Variants in NSUN7 observed in about 807,000 individuals in gnomAD.
The protein encoded by NSUN7 is NOP2/Sun RNA methyltransferase family member 7.
A neutral mutation model predicts 58.5 loss-of-function variants in NSUN7; 39 were observed. The ratio of observed to expected loss-of-function variants is 0.67; its 90% CI spans 0.52 to 0.87. NSUN7 has a LOEUF of 0.87. Ranked by LOEUF, NSUN7 falls within the 40% of genes least tolerant of loss-of-function variation. The pLI, the probability that NSUN7 is intolerant of heterozygous loss-of-function variation, is 0.00. For synonymous variants in NSUN7, 278 were observed against 303.7 expected (o/e 0.92, Z 0.88); for missense variants, 765 against 844.1 (o/e 0.91, Z 1.16).
At position 40,808,680 on chromosome 4, in the gene NSUN7, ACTT is replaced by A. The variant is rs758156265; in HGVS notation, c.1902_1904del (p.Phe634del). On this transcript the variant is annotated inframe_deletion, in exon 12 of 12. Coordinates refer to ENST00000381782, the MANE Select transcript of NSUN7 (RefSeq NM_024677.6). ...TCCAGACCGCGTGAACGGCAGACAC[ACTT>A]CTTAAGACCTCGGCCAGAAGACAGA... The A allele has an allele frequency of 6.4e-5, 99 of 1,551,560 alleles. No individual in the cohort carries two copies. The highest frequency in any genetic ancestry group is 7.9e-5 in the Non-Finnish European group (91 of 1,147,024).
chr4:40,769,294 A>G (rs1385477794), intron 4 of NSUN7, among the ~76,000 whole-genome samples: 3 of 152,232 alleles, frequency 2.0e-5, no homozygotes, highest in African/African-American at 7.2e-5. Flanking sequence ...ATGTAATTGT[A>G]TGGTCATGAT....
At position 40,777,839 on chromosome 4, in the gene NSUN7, A is replaced by G. The variant is rs116037306; in HGVS notation, c.1036+1580A>G. ...GATCTCATACTCCTGGGATCAAGCAATCCTCCTGCCTCAGCCTCTCAAGTA... is the reference window on the plus strand; with the variant it reads ...GATCTCATACTCCTGGGATCAAGCAGTCCTCCTGCCTCAGCCTCTCAAGTA... On this transcript the variant is annotated intron_variant, in intron 7 of 11. Coordinates refer to ENST00000381782, the MANE Select transcript of NSUN7 (RefSeq NM_024677.6). Among the ~76,000 whole-genome samples, 496 of 152,288 alleles carry G rather than the reference A, an allele frequency of 3.3e-3. 3 individuals are homozygous for G. Among genetic ancestry groups the G allele is most frequent in the African/African-American group, 0.011 (467 of 41,560 alleles).
intron 2 of NSUN7, among the ~76,000 whole-genome samples, chr4:40,752,469 G>A (rs1042549872): frequency 6.6e-6 from 1 of 152,188 alleles, no homozygotes; most frequent in African/African-American, 2.4e-5. Context: ...CGCCCAGGCT[G>A]AAGTGCAGTG....
rs375339469 is a variant in NSUN7 at position 40,750,718 on chromosome 4, G to C, written c.25G>C (p.Glu9Gln). 19 of 1,613,684 alleles carry C rather than the reference G, an allele frequency of 1.2e-5. No homozygotes were observed. Among genetic ancestry groups the C allele is most frequent in the Non-Finnish European group, 1.5e-5 (18 of 1,179,798 alleles). Reference sequence around the variant, plus strand: ...CATGCTGAATTCCACGGGCGAACTGGAGTTTTCGAACGAAGAAGATCCCGA... The same window carrying C: ...CATGCTGAATTCCACGGGCGAACTGCAGTTTTCGAACGAAGAAGATCCCGA... MLNSTGEL[E>Q]FSNEEDPEII... is the part of the protein sequence containing the mutation. The change falls in exon 2 of 12, where the codon GAG (glutamate) becomes CAG (glutamine). Residue 9 changes from glutamate to glutamine, a missense_variant. Transcript: ENST00000381782.
At chr4:40,751,902 G>A (rs745707037) in intron 2 of NSUN7, among the ~76,000 whole-genome samples, 7 of 152,114 alleles carry the variant, frequency 4.6e-5, no homozygotes, top group African/African-American at 1.7e-4. Flanking sequence ...AGATTGAGGC[G>A]GGAGGATCGC....
chr4:40,758,884 C>CA (rs998700085), intron 2 of NSUN7, among the ~76,000 whole-genome samples: 5 of 147,582 alleles, frequency 3.4e-5, no homozygotes, highest in African/African-American at 7.5e-5. Flanking sequence ...GACTCTGTCT[C>CA]AAAAAAAAAG....
rs1742155801 is a variant in NSUN7, at chr4:40,774,260, T to A, written c.489-5T>A. On this transcript the variant is annotated splice_polypyrimidine_tract_variant and splice_region_variant and intron_variant, in intron 4 of 11. Transcript: ENST00000381782. ...ATAGATTAAGGATGGATTTTCTGTC[T>A]CTAGTTTTAAGATAAAATTGGCTGC... 6.2e-7 allele frequency: 1 copy of A among 1,613,828 alleles called. No individual in the cohort carries two copies. Among genetic ancestry groups the A allele is most frequent in the Non-Finnish European group, 8.5e-7 (1 of 1,179,724 alleles).
At chr4:40,807,464 C>G (rs1743856443) in intron 11 of NSUN7, among the ~76,000 whole-genome samples, 1 of 151,646 alleles carries the variant, frequency 6.6e-6, no homozygotes, top group Admixed American at 6.6e-5. Context: ...TTCTCTGACT[C>G]AGCCTCAACC....
intron 8 of NSUN7, among the ~76,000 whole-genome samples, chr4:40,792,689 C>G (rs868567164): frequency 1.3e-5 from 2 of 152,026 alleles, no homozygotes; most frequent in Non-Finnish European, 2.9e-5. Context: ...GGGGCGGAGC[C>G]TGCAGTGAGC....
intron 2 of NSUN7, 83 bp downstream of exon 2, chr4:40,751,074 T>C: frequency 6.8e-7 from 1 of 1,469,838 alleles, no homozygotes; most frequent in Non-Finnish European, 9.3e-7. Context: ...CCTCCTCCCT[T>C]CCCCTCATTC....
chr4:40,796,509 C>A (rs1480055283), intron 9 of NSUN7, among the ~76,000 whole-genome samples: 1 of 151,798 alleles, frequency 6.6e-6, no homozygotes, highest in Non-Finnish European at 1.5e-5. Flanking sequence ...GGCATGGGGG[C>A]ATGCAGGCTA....
Position 40,786,762 on chromosome 4 carries a change from T to G in NSUN7, c.1037-3840T>G. On this transcript the variant is annotated intron_variant, in intron 7 of 11. Coordinates refer to ENST00000381782, the MANE Select transcript of NSUN7 (RefSeq NM_024677.6). ...GTGGAGTAGGTTTTCTCTGGTCTGATTTTGACAAATAGAAGAGTGTCTACA... is the reference window on the plus strand; with the variant it reads ...GTGGAGTAGGTTTTCTCTGGTCTGAGTTTGACAAATAGAAGAGTGTCTACA... 4.7e-6 allele frequency: 7 copies of G among 1,485,170 alleles called. No individual in the cohort carries two copies. In the South Asian group the frequency reaches 9.7e-5, roughly 21 times the overall value. 92.0% of individuals were successfully genotyped at this position (1,485,170 alleles called of 1,614,324 possible).
intron 8 of NSUN7, among the ~76,000 whole-genome samples, chr4:40,792,546 T>C (rs554286879): frequency 3.0e-4 from 46 of 152,108 alleles, no homozygotes; most frequent in African/African-American, 1.1e-3. Context: ...GGTCAGGAGC[T>C]CGAGACCATC....
Position 40,809,244 on chromosome 4 carries a change from CA to C in NSUN7, c.*307del, listed in dbSNP as rs1744046455. The C allele has an allele frequency of 4.1e-6, 1 of 242,326 alleles. No individual in the cohort carries two copies. The highest frequency in any genetic ancestry group is 2.2e-5 in the African/African-American group (1 of 44,706). The allele number at this position is 242,326 out of a possible 1,614,324, so 15.0% of individuals were successfully genotyped here. On this transcript the variant is annotated 3_prime_UTR_variant, in exon 12 of 12. Coordinates refer to ENST00000381782, the MANE Select transcript of NSUN7 (RefSeq NM_024677.6). Reference sequence around the variant, plus strand: ...ACTTTCAGGCTGGACTTAAAGCTGCCAAGTTTCCCCTGCAGGGAAGGAAACA... The same window carrying C: ...ACTTTCAGGCTGGACTTAAAGCTGCCAGTTTCCCCTGCAGGGAAGGAAACA...
intron 1 of NSUN7, 143 bp from the exon 2 acceptor site, chr4:40,750,460 T>TTGG: frequency 3.3e-6 from 1 of 301,494 alleles, no homozygotes; most frequent in Non-Finnish European, 6.0e-6. Flanking sequence ...TTTTTTTTTT[T>TTGG]GAGCGTCCCA....
chr4:40,791,500 T>C (rs1472934301), intron 8 of NSUN7, among the ~76,000 whole-genome samples: 3 of 152,146 alleles, frequency 2.0e-5, no homozygotes, highest in Non-Finnish European at 4.4e-5. Context: ...CCTAGGATCA[T>C]TGGGCTAGTA....
At chr4:40,766,529 T>C (rs1741737379) in intron 4 of NSUN7, among the ~76,000 whole-genome samples, 1 of 152,232 alleles carries the variant, frequency 6.6e-6, no homozygotes, top group Non-Finnish European at 1.5e-5. Flanking sequence ...TCAAGGATAT[T>C]GGTCTAAAAT....
rs1184667790 is a variant in NSUN7, at chr4:40,774,535, A to C, written c.641+118A>C. ...GCACATCTAGGGGAGTGATTAGGGA[A>C]TCAGAGTTAAGTTCCAGAGCTTATG... On this transcript the variant is annotated intron_variant, in intron 5 of 11. Coordinates refer to ENST00000381782, the MANE Select transcript of NSUN7 (RefSeq NM_024677.6). The C allele has an allele frequency of 1.4e-5, 14 of 993,586 alleles. No individual in the cohort carries two copies. In the East Asian group the frequency reaches 3.3e-4, roughly 23 times the overall value. 61.5% of individuals were successfully genotyped at this position (993,586 alleles called of 1,614,324 possible).
In NSUN7 at chr4:40,775,015, TTAAAAA is replaced by T; in HGVS notation, c.825+71_825+76del. The T allele has an allele frequency of 4.2e-6, 3 of 711,178 alleles. No individual in the cohort carries two copies. Among genetic ancestry groups the T allele is most frequent in the South Asian group, 2.1e-5 (1 of 47,802 alleles). The allele number at this position is 711,178 out of a possible 1,614,324, so 44.1% of individuals were successfully genotyped here. ...CAACCTAGCCAAAGAACTTCTCCAC[TTAAAAA>T]TAAAACCTAACACTGTTTATATTTT... On this transcript the variant is annotated intron_variant, in intron 6 of 11. Transcript: ENST00000381782. This position sits in a 1 kb window ranked among gnomAD's most constrained non-coding sequence, Gnocchi z 4.3.
Sources: gnomAD v4.1 joint callset for allele counts (sites outside exome capture counted in the v4.1 genomes callset) on GRCh38, gnomAD v4.1.1 for gene constraint, Gnocchi (gnomAD v3.1) non-coding constraint, MANE v1.5 for transcripts, NCBI Gene and HGNC (gene_info 2026-07-23, HGNC 2026-07-21) for gene names.